Variants in DSCAM observed in about 807,000 individuals in gnomAD.
DSCAM encodes cell adhesion molecule DSCAM.
In DSCAM, 47 loss-of-function variants were observed where a neutral mutation model predicts 217.7. The ratio of observed to expected loss-of-function variants is 0.22; its 90% CI spans 0.17 to 0.28. DSCAM has a LOEUF of 0.28. DSCAM is among the 10% of genes least tolerant of loss of function. The probability of loss-of-function intolerance (pLI) is 1.00; values close to 1 mark genes in which losing one functional copy is unlikely to be tolerated. For missense variants in DSCAM, 2,080 were observed against 2,618.3 expected, an observed-to-expected ratio of 0.79 and a Z score of 4.49; for synonymous variants, 1,056 against 1,015.3, an observed-to-expected ratio of 1.04 and a Z score of -0.76.
intron 1 of DSCAM, among the ~76,000 whole-genome samples, chr21:40,802,358 C>A (rs73224283): frequency 6.6e-6 from 1 of 152,212 alleles, no homozygotes; most frequent in Non-Finnish European, 1.5e-5. Context: ...TTTGATTTCA[C>A]AGACTCACAG....
intron 17 of DSCAM, among the ~76,000 whole-genome samples, chr21:40,143,213 C>G (rs528014064): frequency 6.6e-6 from 1 of 152,304 alleles, no homozygotes; most frequent in African/African-American, 2.4e-5. Flanking sequence ...ATCCCTTTCT[C>G]TAGAGGGAAG....
At chr21:40,179,259 T>C (rs559085714) in intron 14 of DSCAM, among the ~76,000 whole-genome samples, 165 bp from the exon 15 acceptor site, 41 of 150,158 alleles carry the variant, frequency 2.7e-4, no homozygotes, top group African/African-American at 9.3e-4. Flanking sequence ...AATGCAATGT[T>C]CCCAGCTTTC....
At chr21:40,724,712 C>T (rs986162609) in intron 1 of DSCAM, among the ~76,000 whole-genome samples, 3 of 152,082 alleles carry the variant, frequency 2.0e-5, no homozygotes, top group Non-Finnish European at 2.9e-5. Context: ...AATCCAAGTT[C>T]GGTAATTAAA....
chr21:40,065,046 T>C (rs148720107), intron 27 of DSCAM, among the ~76,000 whole-genome samples: 186 of 152,090 alleles, frequency 1.2e-3, no homozygotes, highest in African/African-American at 4.1e-3. Context: ...GCCAGGGTTA[T>C]GTGGGTAACA....
At chr21:40,061,311 G>A (rs921861264) in intron 28 of DSCAM, among the ~76,000 whole-genome samples, 36 of 152,176 alleles carry the variant, frequency 2.4e-4, no homozygotes, top group Admixed American at 2.4e-3. Context: ...GCTCATGCCT[G>A]TAATCCCAGC....
intron 8 of DSCAM, among the ~76,000 whole-genome samples, chr21:40,316,419 C>G (rs780224468): frequency 6.6e-6 from 1 of 152,164 alleles, no homozygotes; most frequent in South Asian, 2.1e-4. Flanking sequence ...ATTTTTAAAG[C>G]GTCTTAAGCC....
intron 3 of DSCAM, among the ~76,000 whole-genome samples, chr21:40,432,158 T>C (rs2075539467): frequency 6.6e-6 from 1 of 151,996 alleles, no homozygotes; most frequent in Non-Finnish European, 1.5e-5. Context: ...GATCGTGCCA[T>C]TGCACTTCAG....
chr21:40,182,310 A>C (rs2090813934), intron 14 of DSCAM, among the ~76,000 whole-genome samples: 2 of 152,188 alleles, frequency 1.3e-5, no homozygotes, highest in Admixed American at 1.3e-4. Context: ...CAAGGATAAC[A>C]GTCCTCAGGG....
At chr21:40,323,361 C>A (rs575286993) in intron 8 of DSCAM, among the ~76,000 whole-genome samples, 1 of 152,280 alleles carries the variant, frequency 6.6e-6, no homozygotes, top group East Asian at 1.9e-4. Flanking sequence ...GTGTGTGACA[C>A]ACTCTCCATA....
chr21:40,044,054 G>A (rs765444959), intron 31 of DSCAM, 24 bp downstream of exon 31: 157 of 1,612,030 alleles, frequency 9.7e-5, no homozygotes, highest in African/African-American at 1.2e-4. Flanking sequence ...CCCCAGGGAC[G>A]GAGGAGGCAG....
At chr21:40,585,419 C>CAAAAAAAAAA (rs71186946) in intron 3 of DSCAM, among the ~76,000 whole-genome samples, 5 of 87,002 alleles carry the variant, frequency 5.7e-5, no homozygotes, top group African/African-American at 1.6e-4. Context: ...GACTCCGTCT[C>CAAAAAAAAAA]AAAAAAAAAA....
chr21:40,245,478 C>A (rs988535273), intron 11 of DSCAM, among the ~76,000 whole-genome samples: 2 of 152,132 alleles, frequency 1.3e-5, no homozygotes, highest in African/African-American at 2.4e-5. Context: ...CATGAGGTTC[C>A]CGGGGCTGGG....
intron 3 of DSCAM, among the ~76,000 whole-genome samples, chr21:40,430,129 G>A (rs143182635): frequency 4.7e-4 from 71 of 152,302 alleles, no homozygotes; most frequent in Middle Eastern, 3.4e-3. Context: ...TCTGCACATT[G>A]CATTTGATGG....
chr21:40,036,939 A>G (rs1440984451), intron 32 of DSCAM, among the ~76,000 whole-genome samples: 5 of 150,800 alleles, frequency 3.3e-5, no homozygotes, highest in African/African-American at 1.2e-4. Flanking sequence ...GCATAGATGC[A>G]GAAAGGGCCT....
chr21:40,037,826 A>T (rs113713495), intron 32 of DSCAM, among the ~76,000 whole-genome samples: 83,103 of 124,404 alleles, frequency 0.67, 28,926 homozygotes, highest in Admixed American at 0.75. Flanking sequence ...CAGATATAGA[A>T]CAATGGAACA....
At chr21:40,159,907 G>A (rs1216190205) in intron 16 of DSCAM, among the ~76,000 whole-genome samples, 1 of 152,200 alleles carries the variant, frequency 6.6e-6, no homozygotes, top group Admixed American at 6.5e-5. Flanking sequence ...TTAGGTTACT[G>A]AAAATAAACT....
intron 19 of DSCAM, among the ~76,000 whole-genome samples, chr21:40,132,468 C>A (rs778102184): frequency 6.6e-6 from 1 of 152,224 alleles, no homozygotes; most frequent in Non-Finnish European, 1.5e-5. Flanking sequence ...AATGGCATTA[C>A]ATTTGAACCT....
chr21:40,224,452 A>T (rs567630335), intron 11 of DSCAM, among the ~76,000 whole-genome samples: 12 of 152,356 alleles, frequency 7.9e-5, no homozygotes, highest in Non-Finnish European at 8.8e-5. Flanking sequence ...CCTTGCAGGA[A>T]TATGCTTATC....
chr21:40,223,010 C>A (rs1056717994), intron 11 of DSCAM, among the ~76,000 whole-genome samples: 3 of 152,222 alleles, frequency 2.0e-5, no homozygotes, highest in African/African-American at 7.2e-5. Context: ...GCTCAATATT[C>A]TTTTACCCAT....
Sources: allele counts gnomAD v4.1 joint callset (sites outside exome capture counted in the v4.1 genomes callset), GRCh38; gene constraint gnomAD v4.1.1; transcripts MANE v1.5; gene names NCBI Gene and HGNC (gene_info 2026-07-23, HGNC 2026-07-21).